Variants in WIPF3 observed in about 807,000 individuals in gnomAD.
WIPF3 encodes the protein WAS/WASL-interacting protein family member 3.
Under a neutral mutation model 38.9 loss-of-function variants are expected in WIPF3, and 33 were observed. The observed-to-expected ratio is 0.85, with a 90% confidence interval of 0.64 to 1.14. WIPF3 has a LOEUF of 1.14. Among genes scored for constraint, WIPF3 ranks in the 50% most tolerant of loss-of-function variants. WIPF3 has a pLI of 0.00. For synonymous variants in WIPF3, 324 were observed against 269.3 expected (o/e 1.20, Z -1.99); for missense variants, 711 against 652.5 (o/e 1.09, Z -0.98).
chr7:29,894,675 G>C (rs762213910), intron 7 of WIPF3, among the ~76,000 whole-genome samples: 11 of 152,094 alleles, frequency 7.2e-5, no homozygotes, highest in Non-Finnish European at 1.5e-4. Flanking sequence ...GGGAGACAGT[G>C]TTGTTTCTAT....
At chr7:29,895,323 C>T (rs1339503126) in intron 7 of WIPF3, among the ~76,000 whole-genome samples, 4 of 152,132 alleles carry the variant, frequency 2.6e-5, no homozygotes, top group Non-Finnish European at 4.4e-5. Flanking sequence ...CAATTCCACT[C>T]TTGGGTATAG....
intron 4 of WIPF3, 82 bp downstream of exon 4, chr7:29,879,222 G>A: frequency 1.3e-6 from 2 of 1,514,684 alleles, no homozygotes; most frequent in Admixed American, 1.8e-5. Context: ...ACACATGCCA[G>A]TAAGCAACAT....
intron 1 of WIPF3, among the ~76,000 whole-genome samples, chr7:29,828,089 G>A (rs145776848): frequency 1.3e-5 from 2 of 152,234 alleles, no homozygotes; most frequent in South Asian, 4.2e-4. Context: ...ATGAGCCACT[G>A]CACCCAGCCC....
chr7:29,846,927 ATTAC>A (rs1785010536), intron 2 of WIPF3, among the ~76,000 whole-genome samples: 1 of 152,232 alleles, frequency 6.6e-6, no homozygotes, highest in Non-Finnish European at 1.5e-5. Flanking sequence ...TGTCAAGCAA[ATTAC>A]TTAATAACTC....
chr7:29,807,867 C>T (rs1335668017), intron 1 of WIPF3, among the ~76,000 whole-genome samples: 20 of 152,216 alleles, frequency 1.3e-4, no homozygotes, highest in Non-Finnish European at 1.5e-5. Flanking sequence ...CTCCTCCTTT[C>T]CAGAATCTTT....
chr7:29,888,086 T>C lies in WIPF3; in HGVS notation c.1118T>C (p.Leu373Pro), dbSNP rs1459304158. 6.2e-7 allele frequency: 1 copy of C among 1,613,972 alleles called. No homozygotes were observed. The highest frequency in any genetic ancestry group is 1.7e-5 in the Admixed American group (1 of 60,022). Residue 373 changes from leucine (L) to proline (P), a missense_variant, in exon 6 of 9, where the codon CTA becomes CCA. Transcript: ENST00000242140. ...CTGTAAGGGGCCGGTGGGGGAAAGC[T>C]AAATCCACCTCCAGCACCCCCTGCG... ...HGRPGAGGGK[L>P]NPPPAPPARS...
At chr7:29,827,986 A>G (rs1257536577) in intron 1 of WIPF3, among the ~76,000 whole-genome samples, 1 of 152,136 alleles carries the variant, frequency 6.6e-6, no homozygotes, top group Admixed American at 6.5e-5. Flanking sequence ...TTTTGTAGAG[A>G]TGGGATTTTG....
At chr7:29,813,063 C>G (rs1784404157) in intron 1 of WIPF3, among the ~76,000 whole-genome samples, 1 of 152,336 alleles carries the variant, frequency 6.6e-6, no homozygotes, top group South Asian at 2.1e-4. Flanking sequence ...TTCCCACTCT[C>G]TCCTCCGTCT....
At chr7:29,820,766 A>T (rs1029456306) in intron 1 of WIPF3, among the ~76,000 whole-genome samples, 1 of 152,064 alleles carries the variant, frequency 6.6e-6, no homozygotes, top group African/African-American at 2.4e-5. Flanking sequence ...TGCTTGACTT[A>T]TACTCCTGTG....
intron 1 of WIPF3, among the ~76,000 whole-genome samples, chr7:29,808,592 C>T (rs1178391160): frequency 1.3e-5 from 2 of 152,122 alleles, no homozygotes; most frequent in African/African-American, 4.8e-5. Context: ...CTGCCATTGC[C>T]CCCTTTTTGT....
intron 2 of WIPF3, among the ~76,000 whole-genome samples, chr7:29,865,187 C>A (rs1190557240): frequency 6.6e-6 from 1 of 152,006 alleles, no homozygotes; most frequent in Non-Finnish European, 1.5e-5. Context: ...AATGGTGGAC[C>A]CAGAATCCCA....
chr7:29,807,959 A>G (rs9691193), intron 1 of WIPF3, among the ~76,000 whole-genome samples: 5 of 151,802 alleles, frequency 3.3e-5, no homozygotes, highest in Non-Finnish European at 7.4e-5. Flanking sequence ...CCTCCCTTCA[A>G]TTTTTTTTAA....
intron 2 of WIPF3, among the ~76,000 whole-genome samples, chr7:29,872,919 G>C (rs1444298633): frequency 1.3e-5 from 2 of 150,886 alleles, no homozygotes; most frequent in African/African-American, 4.9e-5. Flanking sequence ...GAGAGGGAAT[G>C]TTAAATTTAG....
chr7:29,865,803 G>A (rs1055778690), intron 2 of WIPF3, among the ~76,000 whole-genome samples: 13 of 152,328 alleles, frequency 8.5e-5, no homozygotes, highest in African/African-American at 2.4e-4. Flanking sequence ...TTCAATCCAA[G>A]TCTGGACCCA....
chr7:29,819,418 T>G (rs572108978), intron 1 of WIPF3, among the ~76,000 whole-genome samples: 1 of 152,048 alleles, frequency 6.6e-6, no homozygotes, highest in Non-Finnish European at 1.5e-5. Flanking sequence ...CTCCCCTCAT[T>G]TGGTTAAGGT....
intron 2 of WIPF3, among the ~76,000 whole-genome samples, chr7:29,853,649 C>G (rs975575998): frequency 1.3e-5 from 2 of 152,194 alleles, no homozygotes; most frequent in African/African-American, 4.8e-5. Flanking sequence ...GATTAAGATT[C>G]CTGAGCCAGA....
rs1971647 is a variant in WIPF3 at position 29,916,574 on chromosome 7, A to G, written c.*2058A>G. ...CTCAAATACAAAAAATTAGCCAGGC[A>G]TGGTGGCTCACACCTGTAATCCCAG... On this transcript the variant is annotated 3_prime_UTR_variant, in exon 9 of 9. Coordinates refer to ENST00000242140, the MANE Select transcript of WIPF3 (RefSeq NM_001080529.3). 0.35 allele frequency: 52,837 copies of G among 151,950 alleles called. 9,458 individuals are homozygous for G. Among genetic ancestry groups the G allele is most frequent in the African/African-American group, 0.41 (17,055 of 41,388 alleles). The allele number at this position is 151,950 out of a possible 1,614,324, so 9.4% of individuals were successfully genotyped here.
intron 2 of WIPF3, among the ~76,000 whole-genome samples, chr7:29,869,000 A>G (rs1477715405): frequency 6.6e-6 from 1 of 151,982 alleles, no homozygotes; most frequent in Non-Finnish European, 1.5e-5. Flanking sequence ...ACATCCTGGC[A>G]ATCTTACCCA....
chr7:29,884,264 T>TTGCCCCCC lies in WIPF3; in HGVS notation c.770_771insTGCCCCCC (p.Pro258AlafsTer119). On this transcript the variant is annotated frameshift_variant, in exon 5 of 9. Transcript: ENST00000242140. LOFTEE classifies it high-confidence loss of function. ...AAGCCTCAGCTGGCTCCCTTGCACC[T>TTGCCCCCC]CCCGCCCATCCCGCCCCCGCTCCCT... 1.5e-5 allele frequency: 20 copies of TTGCCCCCC among 1,315,264 alleles called. No homozygotes were observed. Among genetic ancestry groups the TTGCCCCCC allele is most frequent in the East Asian group, 3.0e-5 (1 of 33,702 alleles). The allele number at this position is 1,315,264 out of a possible 1,614,324, so 81.5% of individuals were successfully genotyped here. A position where few individuals can be genotyped will look rare whatever the true frequency, so the allele number is the denominator to read the frequency against.
Sources: allele counts gnomAD v4.1 joint callset (sites outside exome capture counted in the v4.1 genomes callset), GRCh38; gene constraint gnomAD v4.1.1; transcripts MANE v1.5; gene names NCBI Gene and HGNC (gene_info 2026-07-23, HGNC 2026-07-21).